Variants in FHIT observed in about 807,000 individuals in gnomAD.
The protein encoded by FHIT is bis(5'-adenosyl)-triphosphatase.
A neutral mutation model predicts 17.9 loss-of-function variants in FHIT; 19 were observed. The observed-to-expected ratio is 1.06, with a 90% CI of 0.74 to 1.56. FHIT has a LOEUF of 1.56. Among genes scored for constraint, FHIT ranks in the 40% most tolerant of loss-of-function variants. FHIT has a pLI of 0.00. For synonymous variants in FHIT, 81 were observed against 69.7 expected, an observed-to-expected ratio of 1.16 and a Z score of -0.81; for missense variants, 248 against 189.2, an observed-to-expected ratio of 1.31 and a Z score of -1.82.
intron 5 of FHIT, among the ~76,000 whole-genome samples, chr3:60,154,919 G>A (rs115211879): frequency 9.1e-4 from 139 of 152,238 alleles, no homozygotes; most frequent in African/African-American, 3.2e-3. Flanking sequence ...ATAAGGACCA[G>A]GCACGATGGC....
chr3:60,454,347 A>G (rs954035989), intron 5 of FHIT, among the ~76,000 whole-genome samples: 3 of 151,700 alleles, frequency 2.0e-5, no homozygotes, highest in African/African-American at 7.3e-5. Flanking sequence ...GAGCTCACAA[A>G]TCCCACAGCA....
chr3:60,942,798 C>T (rs781830317), intron 3 of FHIT, among the ~76,000 whole-genome samples: 3 of 152,108 alleles, frequency 2.0e-5, no homozygotes, highest in African/African-American at 7.2e-5. Context: ...AATTCCCTAA[C>T]AATGTCTCCT....
chr3:60,957,888 C>A (rs1374132255), intron 3 of FHIT, among the ~76,000 whole-genome samples: 1 of 152,002 alleles, frequency 6.6e-6, no homozygotes, highest in Non-Finnish European at 1.5e-5. Context: ...ACTGTCTAAT[C>A]CTCCTTCTCT....
intron 2 of FHIT, among the ~76,000 whole-genome samples, chr3:61,109,403 T>A (rs915605541): frequency 6.6e-6 from 1 of 152,134 alleles, no homozygotes; most frequent in African/African-American, 2.4e-5. Context: ...GTATAGGGAA[T>A]CAAGGCCCTT....
intron 3 of FHIT, among the ~76,000 whole-genome samples, chr3:61,040,601 C>T (rs189350209): frequency 2.4e-4 from 34 of 143,376 alleles, no homozygotes; most frequent in East Asian, 1.0e-3. Context: ...GTTTTCTAAT[C>T]GTTAATCTTT....
At chr3:59,762,630 A>T (rs1248535164) in intron 8 of FHIT, among the ~76,000 whole-genome samples, 1 of 152,240 alleles carries the variant, frequency 6.6e-6, no homozygotes, top group Non-Finnish European at 1.5e-5. Flanking sequence ...TCTTTCAGTT[A>T]ACATAGTTGA....
chr3:60,049,053 A>T (rs1419746265), intron 5 of FHIT, among the ~76,000 whole-genome samples: 1 of 152,122 alleles, frequency 6.6e-6, no homozygotes, highest in Non-Finnish European at 1.5e-5. Flanking sequence ...TTTCCTTCTG[A>T]CCTGCCTTTC....
rs546122346 is a variant in FHIT, at chr3:60,183,726, A to G, written c.104-169574T>C. On this transcript the variant is annotated intron_variant, in intron 5 of 9. Transcript: ENST00000492590. ...CAGAATCCCTTTAAAACCAAGACCAACTGTGTCCAATCTCTATTAGGGCCA... is the reference window on the plus strand; with the variant it reads ...CAGAATCCCTTTAAAACCAAGACCAGCTGTGTCCAATCTCTATTAGGGCCA... 5.3e-5 allele frequency among the ~76,000 whole-genome samples: 8 copies of G among 152,174 alleles called. No individual in the cohort carries two copies. In the East Asian group the frequency reaches 5.8e-4, roughly 11 times the overall value.
intron 5 of FHIT, among the ~76,000 whole-genome samples, chr3:60,058,580 A>ATCTTT (rs1702179722): frequency 6.6e-6 from 1 of 152,190 alleles, no homozygotes; most frequent in Non-Finnish European, 1.5e-5. Context: ...TTGCCATCAC[A>ATCTTT]CAAAAATGTT....
At chr3:60,397,859 T>C (rs1229654582) in intron 5 of FHIT, among the ~76,000 whole-genome samples, 1 of 152,174 alleles carries the variant, frequency 6.6e-6, no homozygotes, top group Non-Finnish European at 1.5e-5. Context: ...TAATTAGTTG[T>C]CTACACTGCC....
At chr3:60,462,307 A>C (rs2032523668) in intron 5 of FHIT, among the ~76,000 whole-genome samples, 1 of 152,172 alleles carries the variant, frequency 6.6e-6, no homozygotes, top group Non-Finnish European at 1.5e-5. Flanking sequence ...TTTACAGAGG[A>C]GCCACTGAGG....
intron 1 of FHIT, among the ~76,000 whole-genome samples, chr3:61,249,172 C>A (rs1396589065): frequency 6.6e-6 from 1 of 152,178 alleles, no homozygotes; most frequent in Non-Finnish European, 1.5e-5. Flanking sequence ...GGTGTTCCTG[C>A]TAGCTGACTG....
chr3:60,052,095 A>G (rs2041377090), intron 5 of FHIT, among the ~76,000 whole-genome samples: 1 of 152,174 alleles, frequency 6.6e-6, no homozygotes, highest in Non-Finnish European at 1.5e-5. Context: ...CCCATGAGCC[A>G]CTTGTTTTTA....
chr3:61,020,381 G>T (rs2032349880), intron 3 of FHIT, among the ~76,000 whole-genome samples: 1 of 152,088 alleles, frequency 6.6e-6, no homozygotes, highest in Non-Finnish European at 1.5e-5. Context: ...TTTTTATGGG[G>T]TTGTTTGTTT....
chr3:60,989,288 C>T (rs1291440023), intron 3 of FHIT, among the ~76,000 whole-genome samples: 1 of 151,920 alleles, frequency 6.6e-6, no homozygotes, highest in African/African-American at 2.4e-5. Context: ...TATCTGAGAC[C>T]ACAGGTGTGT....
intron 5 of FHIT, among the ~76,000 whole-genome samples, chr3:60,195,553 A>AGATATATATATATATATATATATT (rs1702592175): frequency 7.3e-6 from 1 of 136,508 alleles, no homozygotes; most frequent in South Asian, 2.3e-4. Context: ...TGTGATATAT[A>AGATATATATATATATATATATATT]TATATATTTA....
rs531261927 is a variant in FHIT, at chr3:60,377,067, A to G, written c.103+159793T>C. Among the ~76,000 whole-genome samples, 33 of 152,328 alleles carry G rather than the reference A, an allele frequency of 2.2e-4. 1 individual carries two copies. Among genetic ancestry groups the G allele is most frequent in the African/African-American group, 7.9e-4 (33 of 41,576 alleles). ...CATGAAACTCACAGTATGCTAGGAA[A>G]GTTGAAAAAATACACAGGTGACTGA... On this transcript the variant is annotated intron_variant, in intron 5 of 9. Coordinates refer to ENST00000492590, the MANE Select transcript of FHIT (RefSeq NM_002012.4).
intron 5 of FHIT, among the ~76,000 whole-genome samples, chr3:60,409,546 T>C (rs761956913): frequency 6.6e-6 from 1 of 152,224 alleles, no homozygotes; most frequent in Non-Finnish European, 1.5e-5. Context: ...AATGTTTGTA[T>C]TAACTTTTTT....
At chr3:61,057,683 C>T (rs374020038) in intron 2 of FHIT, among the ~76,000 whole-genome samples, 7 of 152,152 alleles carry the variant, frequency 4.6e-5, no homozygotes, top group East Asian at 3.9e-4. Context: ...AAGTATGTGG[C>T]GGGGGAGAGA....
Sources: allele counts gnomAD v4.1 joint callset (sites outside exome capture counted in the v4.1 genomes callset), GRCh38; gene constraint gnomAD v4.1.1; transcripts MANE v1.5; gene names NCBI Gene and HGNC (gene_info 2026-07-23, HGNC 2026-07-21).